The following CLSTN3 variants were observed in gnomAD, a reference collection of about 807,000 sequenced individuals.
CLSTN3 encodes calsyntenin-3.
CLSTN3 carries 36 observed loss-of-function variants against 95.9 expected under a neutral mutation model. The ratio of observed to expected loss-of-function variants is 0.38; its 90% CI spans 0.29 to 0.50. The LOEUF is 0.50. Among genes scored for constraint, CLSTN3 ranks in the 20% least tolerant of loss-of-function variants. The pLI is 0.95. For synonymous variants in CLSTN3, 481 were observed against 504.0 expected (o/e 0.95, Z 0.61); for missense variants, 1,084 against 1,268.8 (o/e 0.85, Z 2.21).
At chr12:7,146,120 G>A (rs988634756) in intron 12 of CLSTN3, among the ~76,000 whole-genome samples, 12 of 152,176 alleles carry the variant, frequency 7.9e-5, no homozygotes, top group African/African-American at 2.7e-4. Flanking sequence ...TGAAAAAGAC[G>A]TCGGTGGCTT....
At chr12:7,148,921 C>T (rs756667898) in intron 12 of CLSTN3, 51 bp from the exon 13 acceptor site, 14 of 1,505,122 alleles carry the variant, frequency 9.3e-6, no homozygotes, top group Admixed American at 1.7e-5. Flanking sequence ...TGTGGGTTTT[C>T]GGGGAGGAAG....
In CLSTN3 at chr12:7,149,588, G is replaced by C. The variant is rs780387411; in HGVS notation, c.2140G>C (p.Gly714Arg). The C allele has an allele frequency of 9.3e-6, 15 of 1,614,160 alleles. No individual in the cohort carries two copies. The South Asian group carries it at 1.6e-4, about 18-fold the overall frequency. Residue 714 changes from glycine (G) to arginine (R), a missense_variant, in exon 14 of 18, where the codon GGG becomes CGG. By Grantham distance (125) the Gly-to-Arg change is moderately radical. Transcript: ENST00000266546. The surrounding 1 kb of genome is among the most constrained non-coding windows in gnomAD (Gnocchi z 4.5). ...GGATGGCTGTGAAATTTCTCTGGTG[G>C]GGGATGACCTGGATCCCGAGCGGGA... ...NLDGCEISLV[G>R]DDLDPERESL...
In CLSTN3 at chr12:7,142,151, G is replaced by A; in HGVS notation, c.1540+12G>A. 2 of 1,600,562 alleles carry A rather than the reference G, an allele frequency of 1.2e-6. No individual in the cohort carries two copies. The highest frequency in any genetic ancestry group is 1.7e-6 in the Non-Finnish European group (2 of 1,169,012). On this transcript the variant is annotated intron_variant, in intron 10 of 17. Coordinates refer to ENST00000266546, the MANE Select transcript of CLSTN3 (RefSeq NM_014718.4). ...AGACACCACCCAAGGTACTCCGTGT[G>A]TAAGAACTGGAGACCAGAGAGTTCT...
At position 7,133,634 on chromosome 12, in the gene CLSTN3, C is replaced by T. The variant is rs1339204818; in HGVS notation, c.249C>T (p.Asp83=). Residue 83 remains aspartate, a synonymous_variant, in exon 3 of 18, where the codon GAC becomes GAT. Transcript: ENST00000266546. This position sits in a 1 kb window ranked among gnomAD's most constrained non-coding sequence, Gnocchi z 4.7. ...SGVPFEAVIL[D]KATGEGLIRA... is the part of the protein sequence containing the mutation. Reference sequence around the variant, plus strand: ...TGCCCTTTGAGGCTGTGATCCTTGACAAGGCGACAGGAGAGGGGCTGATCC... The same window carrying T: ...TGCCCTTTGAGGCTGTGATCCTTGATAAGGCGACAGGAGAGGGGCTGATCC... 4 of 1,614,010 alleles carry T rather than the reference C, an allele frequency of 2.5e-6. No individual in the cohort carries two copies. The African/African-American group carries it at 4.0e-5, about 16-fold the overall frequency.
chr12:7,143,079 C>G (rs1398301498), intron 11 of CLSTN3, 53 bp downstream of exon 11: 3 of 1,597,166 alleles, frequency 1.9e-6, no homozygotes, highest in Non-Finnish European at 2.6e-6. Context: ...TTGCCCCACC[C>G]CCTTGCCCTA....
At chr12:7,155,990 C>G in intron 16 of CLSTN3, 1 of 342,014 alleles carries the variant, frequency 2.9e-6, no homozygotes, top group South Asian at 2.2e-5. Context: ...ATGCGCTTCC[C>G]TACGCTCTGC....
Position 7,141,152 on chromosome 12 carries a change from CCT to C in CLSTN3, c.1324-89_1324-88del. ...AGAACTGGGAATAAAGGGACTGTCCCCTGTCTCCCAGGAGATGGGGCAGTGCC... is the reference window on the plus strand; with the variant it reads ...AGAACTGGGAATAAAGGGACTGTCCCGTCTCCCAGGAGATGGGGCAGTGCC... On this transcript the variant is annotated intron_variant, in intron 8 of 17. Coordinates refer to ENST00000266546, the MANE Select transcript of CLSTN3 (RefSeq NM_014718.4). The surrounding 1 kb of genome is among the most constrained non-coding windows in gnomAD (Gnocchi z 4.1). 1.5e-6 allele frequency: 2 copies of C among 1,365,822 alleles called. No homozygotes were observed. Among genetic ancestry groups the C allele is most frequent in the South Asian group, 1.4e-5 (1 of 72,796 alleles). 84.6% of individuals were successfully genotyped at this position (1,365,822 alleles called of 1,614,324 possible). A position where few individuals can be genotyped will look rare whatever the true frequency, so the allele number is the denominator to read the frequency against.
At chr12:7,139,652 TA>T (rs1352338450) in intron 8 of CLSTN3, among the ~76,000 whole-genome samples, 2,490 of 68,446 alleles carry the variant, frequency 0.036, 70 homozygotes, top group African/African-American at 0.085. Context: ...TTATTATTAT[TA>T]TTATTTTTTT....
Position 7,135,536 on chromosome 12 carries a change from G to T in CLSTN3, c.592+1G>T. 1 of 1,613,818 alleles carries T rather than the reference G, an allele frequency of 6.2e-7. No individual in the cohort carries two copies. The highest frequency in any genetic ancestry group is 8.5e-7 in the Non-Finnish European group (1 of 1,179,766). On this transcript the variant is annotated splice_donor_variant, in intron 4 of 17. Transcript: ENST00000266546. LOFTEE classifies it high-confidence loss of function. ...ACCCCTTTCCTCATTGACAATGACG[G>T]TGAGTCCACCCCTGGCTTCCCTGGC...
At position 7,141,849 on chromosome 12, in the gene CLSTN3, C is replaced by T. The variant is rs978147582; in HGVS notation, c.1487-237C>T. On this transcript the variant is annotated intron_variant, in intron 9 of 17. Transcript: ENST00000266546. The surrounding 1 kb of genome is among the most constrained non-coding windows in gnomAD (Gnocchi z 4.1). ...TCTTACCAGAGCCCACGTGTTTCCTCAGCAGCATATCGTATTTGGGGGTTT... is the reference window on the plus strand; with the variant it reads ...TCTTACCAGAGCCCACGTGTTTCCTTAGCAGCATATCGTATTTGGGGGTTT... Among the ~76,000 whole-genome samples, 1 of 152,170 alleles carries T rather than the reference C, an allele frequency of 6.6e-6. No homozygotes were observed. The highest frequency in any genetic ancestry group is 6.5e-5 in the Admixed American group (1 of 15,278).
At chr12:7,147,102 C>T (rs750744778) in intron 12 of CLSTN3, among the ~76,000 whole-genome samples, 15 of 152,110 alleles carry the variant, frequency 9.9e-5, no homozygotes, top group Non-Finnish European at 1.9e-4. Context: ...CTAGCACCAG[C>T]GTGGGGATCA....
rs1344220468 is a variant in CLSTN3, at chr12:7,141,195, G to A, written c.1324-47G>A. ...GGGCAGTGCCTAGGGTTAGCTCTCT[G>A]AAGACGAATTACCTGAGAGGCTCTT... On this transcript the variant is annotated intron_variant, in intron 8 of 17. Coordinates refer to ENST00000266546, the MANE Select transcript of CLSTN3 (RefSeq NM_014718.4). The surrounding 1 kb of genome is among the most constrained non-coding windows in gnomAD (Gnocchi z 4.1). 1 of 1,589,910 alleles carries A rather than the reference G, an allele frequency of 6.3e-7. No homozygotes were observed. Among genetic ancestry groups the A allele is most frequent in the Non-Finnish European group, 8.6e-7 (1 of 1,166,156 alleles).
rs1565651040 is a variant in CLSTN3 at position 7,141,743 on chromosome 12, T to G, written c.1486+339T>G. 3.3e-5 allele frequency among the ~76,000 whole-genome samples: 5 copies of G among 152,026 alleles called. No individual in the cohort carries two copies. ...GCTCAAGGAGAGTAACCCCTTAGAG[T>G]GTCCTCGGTCTTCCAACTTTTAAGC... On this transcript the variant is annotated intron_variant, in intron 9 of 17. Coordinates refer to ENST00000266546, the MANE Select transcript of CLSTN3 (RefSeq NM_014718.4). The surrounding 1 kb of genome is among the most constrained non-coding windows in gnomAD (Gnocchi z 4.1).
chr12:7,140,310 T>C (rs1397510855), intron 8 of CLSTN3, among the ~76,000 whole-genome samples: 2 of 152,136 alleles, frequency 1.3e-5, no homozygotes, highest in Non-Finnish European at 2.9e-5. Flanking sequence ...GTGTTAAATG[T>C]GAGATACTTG....
rs1362846512 is a variant in CLSTN3 at position 7,147,811 on chromosome 12, C to G, written c.1848-1161C>G. ...ATTTACAGGCATGAGCCATCATGCC[C>G]AGCCTGAGCTTTAGGCATTTTACAG... On this transcript the variant is annotated intron_variant, in intron 12 of 17. Coordinates refer to ENST00000266546, the MANE Select transcript of CLSTN3 (RefSeq NM_014718.4). Among the ~76,000 whole-genome samples, 3 of 152,114 alleles carry G rather than the reference C, an allele frequency of 2.0e-5. No individual in the cohort carries two copies. The East Asian group carries it at 5.8e-4, about 29-fold the overall frequency.
Position 7,149,618 on chromosome 12 carries a change from C to T in CLSTN3, c.2170C>T (p.Leu724=). ...GDDLDPERES[L]LLDTTSLQQR... ...TGACCTGGATCCCGAGCGGGAAAGC[C>T]TGCTCCTGGACACAACCTCTCTGCA... The change falls in exon 14 of 18, where the codon CTG becomes TTG. Residue 724 remains leucine (L), a synonymous_variant. Transcript: ENST00000266546. This position sits in a 1 kb window ranked among gnomAD's most constrained non-coding sequence, Gnocchi z 4.5. The T allele has an allele frequency of 6.2e-7, 1 of 1,614,106 alleles. No individual in the cohort carries two copies. The highest frequency in any genetic ancestry group is 2.2e-5 in the East Asian group (1 of 44,882).
intron 16 of CLSTN3, among the ~76,000 whole-genome samples, chr12:7,155,288 C>A (rs1291080061): frequency 6.6e-6 from 1 of 152,242 alleles, no homozygotes; most frequent in Non-Finnish European, 1.5e-5. Flanking sequence ...GCTCCTGACT[C>A]ATCTTAAACT....
chr12:7,146,546 T>A (rs184855540), intron 12 of CLSTN3, among the ~76,000 whole-genome samples: 3 of 152,290 alleles, frequency 2.0e-5, no homozygotes, highest in Admixed American at 2.0e-4. Context: ...AGTACTACCC[T>A]CCTTCAAAGG....
intron 16 of CLSTN3, 74 bp downstream of exon 16, chr12:7,151,137 C>G: frequency 6.9e-7 from 1 of 1,440,498 alleles, no homozygotes; most frequent in Non-Finnish European, 9.2e-7. Flanking sequence ...TATCCTCCCC[C>G]TCCACCTCTG....
Sources: allele counts gnomAD v4.1 joint callset (sites outside exome capture counted in the v4.1 genomes callset), GRCh38; gene constraint gnomAD v4.1.1; non-coding constraint Gnocchi (gnomAD v3.1); transcripts MANE v1.5; gene names NCBI Gene and HGNC (gene_info 2026-07-23, HGNC 2026-07-21).